CCNYL1: variants seen among roughly 807,000 people sequenced by gnomAD.
CCNYL1 encodes the protein cyclin-Y-like protein 1.
A neutral mutation model predicts 44.2 loss-of-function variants in CCNYL1; 16 were observed. The observed-to-expected ratio is 0.36, with a 90% CI of 0.25 to 0.55. The LOEUF (loss-of-function observed/expected upper bound fraction) is 0.55, where lower values mean the gene tolerates loss of function less well. Ranked by LOEUF, CCNYL1 falls within the 20% of genes least tolerant of loss-of-function variation. The probability of loss-of-function intolerance (pLI) is 0.85; values close to 1 mark genes in which losing one functional copy is unlikely to be tolerated. For synonymous variants in CCNYL1, 159 were observed against 163.2 expected, an observed-to-expected ratio of 0.97 and a Z score of 0.20; for missense variants, 348 against 451.8, an observed-to-expected ratio of 0.77 and a Z score of 2.08.
intron 8 of CCNYL1, 47 bp from the exon 9 acceptor site, chr2:207,750,910 G>T: frequency 1.3e-6 from 2 of 1,551,928 alleles, no homozygotes; most frequent in South Asian, 2.3e-5. Context: ...TAGCCCAGTT[G>T]ACTGACATTG....
At chr2:207,714,434 C>T in intron 1 of CCNYL1, 1 of 391,292 alleles carries the variant, frequency 2.6e-6, no homozygotes, top group Non-Finnish European at 4.9e-6. Context: ...ATAGCTGGGA[C>T]CACGGGCGTG....
At chr2:207,720,153 A>C (rs2091629303) in intron 1 of CCNYL1, among the ~76,000 whole-genome samples, 2 of 131,176 alleles carry the variant, frequency 1.5e-5, no homozygotes, top group African/African-American at 3.0e-5. Flanking sequence ...ATGCCACTGC[A>C]CTCCAGCCTG....
chr2:207,750,809 T>C (rs2091885691), intron 8 of CCNYL1, 148 bp from the exon 9 acceptor site: 1 of 647,194 alleles, frequency 1.5e-6, no homozygotes, highest in Non-Finnish European at 2.6e-6. Context: ...GTACCTTATG[T>C]GAACATTAGT....
chr2:207,734,468 A>G (rs1246693440), intron 4 of CCNYL1, among the ~76,000 whole-genome samples: 1 of 152,262 alleles, frequency 6.6e-6, no homozygotes, highest in African/African-American at 2.4e-5. Flanking sequence ...TACTGGCACC[A>G]TAGTGTATCT....
At chr2:207,724,902 A>G in intron 2 of CCNYL1, 28 bp downstream of exon 2, 2 of 1,536,984 alleles carry the variant, frequency 1.3e-6, no homozygotes, top group African/African-American at 1.4e-5. Flanking sequence ...TTTCCTTCCA[A>G]GGAAAAGACT....
chr2:207,737,342 A>G, intron 4 of CCNYL1, 69 bp from the exon 5 acceptor site: 2 of 1,246,646 alleles, frequency 1.6e-6, no homozygotes, highest in Non-Finnish European at 1.2e-6. Flanking sequence ...TCCCTCATTT[A>G]AAAAATGTCT....
intron 1 of CCNYL1, among the ~76,000 whole-genome samples, chr2:207,724,054 C>T (rs1230686678): frequency 6.6e-6 from 1 of 152,062 alleles, no homozygotes; most frequent in Non-Finnish European, 1.5e-5. Flanking sequence ...GGACTACAGG[C>T]AGGTTTATCT....
chr2:207,726,975 A>G (rs1028252445), intron 3 of CCNYL1, 99 bp downstream of exon 3: 12 of 720,206 alleles, frequency 1.7e-5, no homozygotes, highest in South Asian at 9.1e-5. Flanking sequence ...TACTGTTAGT[A>G]TGAGCCTCTT....
intron 7 of CCNYL1, 62 bp downstream of exon 7, chr2:207,742,404 C>T (rs532509984): frequency 2.1e-6 from 3 of 1,423,754 alleles, no homozygotes; most frequent in South Asian, 3.1e-5. Flanking sequence ...GGGTATGGTC[C>T]TATTTTTCAA....
At chr2:207,722,614 GGTA>G (rs1318179210) in intron 1 of CCNYL1, among the ~76,000 whole-genome samples, 1 of 151,978 alleles carries the variant, frequency 6.6e-6, no homozygotes, top group Non-Finnish European at 1.5e-5. Flanking sequence ...AGATTCAAAT[GGTA>G]GTATATTTGC....
intron 1 of CCNYL1, among the ~76,000 whole-genome samples, chr2:207,715,499 C>T (rs1203318637): frequency 6.7e-6 from 1 of 149,748 alleles, no homozygotes; most frequent in Non-Finnish European, 1.5e-5. Flanking sequence ...CCTGCCTCAG[C>T]CTCCCAAGTA....
At chr2:207,721,808 C>T (rs552865070) in intron 1 of CCNYL1, among the ~76,000 whole-genome samples, 1 of 150,554 alleles carries the variant, frequency 6.6e-6, no homozygotes, top group Admixed American at 6.6e-5. Flanking sequence ...CATCTCGGCT[C>T]ACTGCAACCT....
intron 1 of CCNYL1, among the ~76,000 whole-genome samples, chr2:207,717,108 CAAAAAA>C (rs1171959044): frequency 1.6e-5 from 1 of 62,180 alleles, no homozygotes; most frequent in Non-Finnish European, 3.4e-5. Flanking sequence ...GACTCCATCT[CAAAAAA>C]AAAAAAAAAA....
In CCNYL1 at chr2:207,740,699, C is replaced by G. The variant is rs1158726046; in HGVS notation, c.512C>G (p.Pro171Arg). Residue 171 changes from proline (P) to arginine (R), a missense_variant, in exon 6 of 10, where the codon CCA (proline) becomes CGA (arginine). By Grantham distance (103) the Pro-to-Arg change is moderately radical. Around this residue, in one of 3 missense-constraint regions of CCNYL1, gnomAD observed 209 missense variants for 247.7 expected, o/e 0.84. Transcript: ENST00000295414. Reference sequence around the variant, plus strand: ...GATATTTTTGATGAGAGATCACATCCACTTACAGTAAGTGTCACTTTTTTT... The same window carrying G: ...GATATTTTTGATGAGAGATCACATCGACTTACAGTAAGTGTCACTTTTTTT... The part of the protein sequence containing the change: ...SLDIFDERSH[P>R]LTREKVPEEY... 1 of 1,600,292 alleles carries G rather than the reference C, an allele frequency of 6.2e-7. No homozygotes were observed.
In CCNYL1 at chr2:207,734,050, G is replaced by GA; in HGVS notation, c.431+4dup. ...AATCTTAGAACCACAGTAAAATGGT[G>GA]AGTACAACTAGGCTGCCAAGGGCTG... On this transcript the variant is annotated splice_donor_region_variant and intron_variant, in intron 4 of 9. Coordinates refer to ENST00000295414, the MANE Select transcript of CCNYL1 (RefSeq NM_001330218.2). The GA allele has an allele frequency of 6.3e-7, 1 of 1,594,338 alleles. No individual in the cohort carries two copies. Among genetic ancestry groups the GA allele is most frequent in the Non-Finnish European group, 8.6e-7 (1 of 1,162,060 alleles).
chr2:207,734,648 G>T (rs911087409), intron 4 of CCNYL1, among the ~76,000 whole-genome samples: 1 of 152,160 alleles, frequency 6.6e-6, no homozygotes, highest in Non-Finnish European at 1.5e-5. Context: ...GATTATGAGC[G>T]TTGATTTTCA....
rs1361998044 is a variant in CCNYL1, at chr2:207,754,679, T to G, written c.*981T>G. ...CTGCGTTGTCCAGGCTGGAGTGCAG[T>G]GGCTTTTCACAGGTGCAATCATTGT... On this transcript the variant is annotated 3_prime_UTR_variant, in exon 10 of 10. Coordinates refer to ENST00000295414, the MANE Select transcript of CCNYL1 (RefSeq NM_001330218.2). 1 of 153,476 alleles carries G rather than the reference T, an allele frequency of 6.5e-6. No homozygotes were observed. The highest frequency in any genetic ancestry group is 1.9e-4 in the East Asian group (1 of 5,146). The allele number at this position is 153,476 out of a possible 1,614,324, so 9.5% of individuals were successfully genotyped here.
In CCNYL1 at chr2:207,737,378, G is replaced by C. The variant is rs770796823; in HGVS notation, c.432-33G>C. 8 of 1,531,904 alleles carry C rather than the reference G, an allele frequency of 5.2e-6. No individual in the cohort carries two copies. The East Asian group carries it at 1.6e-4, about 30-fold the overall frequency. The allele number at this position is 1,531,904 out of a possible 1,614,324, so 94.9% of individuals were successfully genotyped here. A position where few individuals can be genotyped will look rare whatever the true frequency, so the allele number is the denominator to read the frequency against. On this transcript the variant is annotated intron_variant, in intron 4 of 9. Coordinates refer to ENST00000295414, the MANE Select transcript of CCNYL1 (RefSeq NM_001330218.2). Reference sequence around the variant, plus strand: ...TCAGGCCTAACAAATGTTTAAATCAGTTGTTAAAAATAATTTTTTTTTCCC... The same window carrying C: ...TCAGGCCTAACAAATGTTTAAATCACTTGTTAAAAATAATTTTTTTTTCCC...
rs138317015 is a variant in CCNYL1, at chr2:207,746,707, C to T, written c.640-340C>T. Among the ~76,000 whole-genome samples the T allele has an allele frequency of 4.5e-4, 68 of 152,342 alleles. 1 individual carries two copies. In the East Asian group the frequency reaches 0.012, roughly 28 times the overall value. On this transcript the variant is annotated intron_variant, in intron 7 of 9. Transcript: ENST00000295414. ...TATCAAAGCATTTCGGGGCCGGGCG[C>T]GGTGGCTTACGCCTGTAATCCCAAC...
Sources: allele counts gnomAD v4.1 joint callset (sites outside exome capture counted in the v4.1 genomes callset), GRCh38; gene constraint gnomAD v4.1.1; regional missense constraint gnomAD v4.1.1; transcripts MANE v1.5; gene names NCBI Gene and HGNC (gene_info 2026-07-23, HGNC 2026-07-21).